Variants in PLCE1 observed in about 807,000 individuals in gnomAD.
PLCE1 encodes the protein 1-phosphatidylinositol 4,5-bisphosphate phosphodiesterase epsilon-1.
In PLCE1, 119 loss-of-function variants were observed where a neutral mutation model predicts 242.8. The ratio of observed to expected loss-of-function variants is 0.49; its 90% CI spans 0.42 to 0.57. PLCE1 has a LOEUF of 0.57. Among genes scored for constraint, PLCE1 ranks in the 20% least tolerant of loss-of-function variants. The pLI, the probability that PLCE1 is intolerant of heterozygous loss-of-function variation, is 0.00. For synonymous variants in PLCE1, 945 were observed against 1,017.4 expected (o/e 0.93, Z 1.35); for missense variants, 2,441 against 2,788.8 (o/e 0.88, Z 2.81).
intron 22 of PLCE1, among the ~76,000 whole-genome samples, chr10:94,291,828 G>C (rs528722753): frequency 6.6e-6 from 1 of 152,088 alleles, no homozygotes; most frequent in Non-Finnish European, 1.5e-5. Flanking sequence ...GGTAGATGAA[G>C]GTTCTTTGTT....
chr10:94,226,741 C>G (rs767968187), intron 4 of PLCE1, among the ~76,000 whole-genome samples: 1 of 148,124 alleles, frequency 6.8e-6, no homozygotes, highest in Non-Finnish European at 1.5e-5. Context: ...GAAATTTTTT[C>G]AATCAAAGGA....
At chr10:94,036,285 T>C (rs2061662096) in intron 2 of PLCE1, among the ~76,000 whole-genome samples, 2 of 152,208 alleles carry the variant, frequency 1.3e-5, no homozygotes, top group South Asian at 4.1e-4. Context: ...CACCTTCTGC[T>C]GTGTGTCTTC....
chr10:94,245,853 C>A, intron 7 of PLCE1, 93 bp from the exon 8 acceptor site: 1 of 952,104 alleles, frequency 1.1e-6, no homozygotes, highest in South Asian at 1.3e-5. Context: ...ATTCATAGTG[C>A]GATGAAAAAT....
intron 1 of PLCE1, among the ~76,000 whole-genome samples, chr10:94,014,283 A>G (rs1158097485): frequency 1.3e-5 from 2 of 152,154 alleles, no homozygotes; most frequent in Non-Finnish European, 2.9e-5. Context: ...TAAAATATAC[A>G]TAACAAAATT....
chr10:94,306,260 G>A lies in PLCE1; in HGVS notation c.5623-167G>A, dbSNP rs890809767. Among the ~76,000 whole-genome samples, 4 of 152,168 alleles carry A rather than the reference G, an allele frequency of 2.6e-5. No homozygotes were observed. Among genetic ancestry groups the A allele is most frequent in the African/African-American group, 9.7e-5 (4 of 41,430 alleles). On this transcript the variant is annotated intron_variant, in intron 25 of 32. Coordinates refer to ENST00000371380, the MANE Select transcript of PLCE1 (RefSeq NM_016341.4). The surrounding 1 kb of genome is among the most constrained non-coding windows in gnomAD (Gnocchi z 5.7). ...GCTGGGATTACAGGCATAAGCCACC[G>A]CGCCCAGCCCTACAATCACTTACTT...
At chr10:94,242,503 G>A (rs2050542117) in intron 7 of PLCE1, among the ~76,000 whole-genome samples, 2 of 152,048 alleles carry the variant, frequency 1.3e-5, no homozygotes, top group South Asian at 4.1e-4. Context: ...TAGAGACGGG[G>A]TTTTACCATG....
chr10:94,165,909 G>A (rs550992070), intron 3 of PLCE1, among the ~76,000 whole-genome samples: 10 of 152,130 alleles, frequency 6.6e-5, no homozygotes, highest in East Asian at 1.9e-4. Flanking sequence ...ATTTCACCAC[G>A]TTGGCAAGGC....
intron 22 of PLCE1, chr10:94,287,463 T>C (rs1386344209): frequency 7.3e-6 from 1 of 137,304 alleles, no homozygotes; most frequent in Non-Finnish European, 1.5e-5. Context: ...TTACAAGCCA[T>C]ATGCAAAAAA....
At chr10:94,326,704 G>C (rs1054938886) in intron 32 of PLCE1, among the ~76,000 whole-genome samples, 3 of 152,216 alleles carry the variant, frequency 2.0e-5, no homozygotes, top group Non-Finnish European at 2.9e-5. Flanking sequence ...GACTGGGGGA[G>C]GGTGATTGAT....
chr10:94,067,397 A>G, intron 2 of PLCE1, among the ~76,000 whole-genome samples: 1 of 152,158 alleles, frequency 6.6e-6, no homozygotes. Context: ...CTGCCCCCAA[A>G]CATCCTGAAC....
At chr10:94,238,965 A>T (rs2050411345) in intron 7 of PLCE1, among the ~76,000 whole-genome samples, 1 of 152,162 alleles carries the variant, frequency 6.6e-6, no homozygotes, top group Admixed American at 6.5e-5. Flanking sequence ...CTGAATTTTG[A>T]CACCACCTCT....
In PLCE1 at chr10:94,232,787, C is replaced by T. The variant is rs573644222; in HGVS notation, c.1956-1267C>T. ...CCCCTCCTGACTCACAGGAAATAGT[C>T]AGCATGTTGCCCTCCCAACTCTGCA... is the stretch of plus-strand genomic sequence containing the variant. On this transcript the variant is annotated intron_variant, in intron 5 of 32. Coordinates refer to ENST00000371380, the MANE Select transcript of PLCE1 (RefSeq NM_016341.4). Among the ~76,000 whole-genome samples, 72 of 152,300 alleles carry T rather than the reference C, an allele frequency of 4.7e-4. 3 individuals are homozygous for T. The South Asian group carries it at 9.1e-3, about 19-fold the overall frequency.
intron 1 of PLCE1, among the ~76,000 whole-genome samples, chr10:93,994,966 A>C (rs1334162562): frequency 6.6e-6 from 1 of 152,244 alleles, no homozygotes; most frequent in Non-Finnish European, 1.5e-5. Flanking sequence ...ATTTGCACGA[A>C]GGTCATAATT....
At chr10:94,196,097 G>A (rs1231276058) in intron 4 of PLCE1, among the ~76,000 whole-genome samples, 1 of 152,062 alleles carries the variant, frequency 6.6e-6, no homozygotes, top group East Asian at 1.9e-4. Context: ...CTTCTAGTTA[G>A]GGTTGTTGTG....
intron 4 of PLCE1, among the ~76,000 whole-genome samples, chr10:94,176,082 A>T (rs1160767927): frequency 6.6e-6 from 1 of 152,176 alleles, no homozygotes; most frequent in African/African-American, 2.4e-5. Flanking sequence ...TATACCTAGA[A>T]GTGGGGTTGC....
At chr10:94,186,456 C>T (rs981205028) in intron 4 of PLCE1, among the ~76,000 whole-genome samples, 11 of 152,090 alleles carry the variant, frequency 7.2e-5, no homozygotes, top group South Asian at 2.1e-4. Context: ...GGCATTCAGG[C>T]CTATCAAAAT....
chr10:94,163,735 C>T (rs569952161), intron 3 of PLCE1, among the ~76,000 whole-genome samples: 2 of 152,282 alleles, frequency 1.3e-5, no homozygotes, highest in East Asian at 1.9e-4. Context: ...TTACTTGATG[C>T]GGTTTCTTCC....
chr10:94,279,766 T>C lies in PLCE1; in HGVS notation c.4666-16T>C. 1 of 1,613,434 alleles carries C rather than the reference T, an allele frequency of 6.2e-7. No individual in the cohort carries two copies. The highest frequency in any genetic ancestry group is 2.2e-5 in the East Asian group (1 of 44,864). On this transcript the variant is annotated splice_polypyrimidine_tract_variant and intron_variant, in intron 19 of 32. Coordinates refer to ENST00000371380, the MANE Select transcript of PLCE1 (RefSeq NM_016341.4). ...TAACTTGGCATCTGCAGTTTACAAT[T>C]ATTGCTATTTTACAGGCTCATCAGT...
chr10:94,139,873 T>C (rs2135992057), intron 3 of PLCE1, among the ~76,000 whole-genome samples: 1 of 152,274 alleles, frequency 6.6e-6, no homozygotes, highest in African/African-American at 2.4e-5. Flanking sequence ...AAGGTAATAT[T>C]AGATGTTTTA....
Sources: gnomAD v4.1 joint callset for allele counts (sites outside exome capture counted in the v4.1 genomes callset) on GRCh38, gnomAD v4.1.1 for gene constraint, Gnocchi (gnomAD v3.1) non-coding constraint, MANE v1.5 for transcripts, NCBI Gene and HGNC (gene_info 2026-07-23, HGNC 2026-07-21) for gene names.